The following PPM1L variants were observed in gnomAD, a reference collection of about 807,000 sequenced individuals.
The protein encoded by PPM1L is protein phosphatase 1L.
A neutral mutation model predicts 31.4 loss-of-function variants in PPM1L; 13 were observed. The ratio of observed to expected loss-of-function variants is 0.41; its 90% CI spans 0.27 to 0.66. The LOEUF is 0.66. Ranked by LOEUF, PPM1L falls within the 30% of genes least tolerant of loss-of-function variation. PPM1L has a pLI of 0.29. For synonymous variants in PPM1L, 184 were observed against 175.4 expected (o/e 1.05, Z -0.39); for missense variants, 326 against 453.7 (o/e 0.72, Z 2.56).
At chr3:160,878,062 G>A (rs183660693) in intron 1 of PPM1L, among the ~76,000 whole-genome samples, 2 of 152,242 alleles carry the variant, frequency 1.3e-5, no homozygotes, top group Admixed American at 6.5e-5. Context: ...AAACCTTATC[G>A]AGGACTTCCT....
At chr3:160,825,806 T>G (rs918794241) in intron 1 of PPM1L, among the ~76,000 whole-genome samples, 1 of 152,158 alleles carries the variant, frequency 6.6e-6, no homozygotes, top group Non-Finnish European at 1.5e-5. Flanking sequence ...TAGCTCCTTT[T>G]GGCTCTGGCT....
At chr3:160,892,111 G>A (rs62270275) in intron 1 of PPM1L, among the ~76,000 whole-genome samples, 56,840 of 151,988 alleles carry the variant, frequency 0.37, 13,521 homozygotes, top group Non-Finnish European at 0.54. Flanking sequence ...AAACCTGCGC[G>A]TTCTTCACAT....
chr3:161,060,025 T>C (rs1167188793), intron 2 of PPM1L, among the ~76,000 whole-genome samples: 3 of 152,182 alleles, frequency 2.0e-5, no homozygotes, highest in African/African-American at 7.2e-5. Context: ...TATTTCTTTA[T>C]AGCAGTGTAA....
chr3:160,980,714 A>G (rs13090717), intron 2 of PPM1L, among the ~76,000 whole-genome samples: 2 of 148,794 alleles, frequency 1.3e-5, no homozygotes, highest in Non-Finnish European at 3.0e-5. Context: ...GAGAAAAAAA[A>G]AGAGAGAGAG....
intron 1 of PPM1L, among the ~76,000 whole-genome samples, chr3:160,854,879 C>CAAA (rs33923660): frequency 1.0e-5 from 1 of 95,626 alleles, no homozygotes; most frequent in Admixed American, 1.0e-4. Context: ...CATGTGGAAC[C>CAAA]AAAAAAAAAA....
intron 2 of PPM1L, among the ~76,000 whole-genome samples, chr3:161,009,975 A>G (rs1262387779): frequency 1.3e-5 from 2 of 152,124 alleles, no homozygotes; most frequent in Admixed American, 1.3e-4. Context: ...AAATTATAAA[A>G]TATCCATGTT....
At chr3:160,872,925 T>TG (rs1284705447) in intron 1 of PPM1L, among the ~76,000 whole-genome samples, 1 of 152,014 alleles carries the variant, frequency 6.6e-6, no homozygotes, top group Non-Finnish European at 1.5e-5. Flanking sequence ...GGACTCTGTC[T>TG]GGGAAAAAAA....
At chr3:160,914,168 A>G (rs1340200233) in intron 1 of PPM1L, among the ~76,000 whole-genome samples, 3 of 151,772 alleles carry the variant, frequency 2.0e-5, no homozygotes, top group Non-Finnish European at 4.4e-5. Flanking sequence ...TTTATTTTTC[A>G]TTTCTTTGGT....
At chr3:160,857,819 A>C (rs192202261) in intron 1 of PPM1L, among the ~76,000 whole-genome samples, 14 of 152,222 alleles carry the variant, frequency 9.2e-5, no homozygotes, top group Admixed American at 7.9e-4. Flanking sequence ...TTCCCCAGCT[A>C]ATTATTTTCT....
intron 2 of PPM1L, among the ~76,000 whole-genome samples, chr3:161,052,733 A>T (rs1446879335): frequency 1.3e-5 from 2 of 152,234 alleles, no homozygotes; most frequent in Admixed American, 1.3e-4. Context: ...GGATAACCTA[A>T]TAATATCAAA....
chr3:161,065,520 A>T lies in PPM1L; in HGVS notation c.692A>T (p.His231Leu). 6.2e-7 allele frequency: 1 copy of T among 1,614,072 alleles called. No individual in the cohort carries two copies. Among genetic ancestry groups the T allele is most frequent in the Non-Finnish European group, 8.5e-7 (1 of 1,179,958 alleles). Residue 231 changes from histidine to leucine, a missense_variant, in exon 3 of 4, where the codon CAC becomes CTC. This residue lies in a region of PPM1L where 201 missense variants were observed against 298.2 expected (regional missense o/e 0.67). Coordinates refer to ENST00000498165, the MANE Select transcript of PPM1L (RefSeq NM_139245.4). ...AACGCTATTCCTTTGTCTCATGATC[A>T]CAAGCCTTACCAGTTGAAGGAAAGA... ...DGNAIPLSHDHKPYQLKERKR... is the reference protein window; with the variant it reads ...DGNAIPLSHDLKPYQLKERKR...
At chr3:160,802,858 G>A (rs1321735006) in intron 1 of PPM1L, among the ~76,000 whole-genome samples, 2 of 152,092 alleles carry the variant, frequency 1.3e-5, no homozygotes, top group Non-Finnish European at 2.9e-5. Context: ...GAAAAAACCA[G>A]GCACAATTAA....
chr3:160,776,934 G>C (rs1272698477), intron 1 of PPM1L, among the ~76,000 whole-genome samples: 2 of 151,966 alleles, frequency 1.3e-5, no homozygotes, highest in African/African-American at 4.8e-5. Context: ...CCCTATAAAG[G>C]TTTGTCAGAT....
intron 1 of PPM1L, among the ~76,000 whole-genome samples, chr3:160,776,854 C>T (rs904337339): frequency 1.3e-5 from 2 of 151,866 alleles, no homozygotes; most frequent in African/African-American, 4.8e-5. Context: ...CTGTCTTGGC[C>T]TCCCAAAGTG....
intron 2 of PPM1L, among the ~76,000 whole-genome samples, chr3:161,000,388 A>T (rs1372863335): frequency 6.6e-6 from 1 of 152,234 alleles, no homozygotes; most frequent in Non-Finnish European, 1.5e-5. Context: ...GAGGAATGTG[A>T]TCCAGCAGAG....
intron 1 of PPM1L, among the ~76,000 whole-genome samples, chr3:160,892,389 C>T (rs1713184007): frequency 6.6e-6 from 1 of 152,092 alleles, no homozygotes; most frequent in Non-Finnish European, 1.5e-5. Flanking sequence ...CTCACTATGG[C>T]AAGGACAGAA....
intron 2 of PPM1L, among the ~76,000 whole-genome samples, chr3:160,999,011 G>A (rs567677436): frequency 1.3e-5 from 2 of 152,086 alleles, no homozygotes; most frequent in Non-Finnish European, 2.9e-5. Flanking sequence ...CTCAGTTAAG[G>A]CTACTCAGAG....
intron 2 of PPM1L, among the ~76,000 whole-genome samples, chr3:161,016,107 T>C (rs2108067777): frequency 6.6e-6 from 1 of 152,120 alleles, no homozygotes; most frequent in East Asian, 1.9e-4. Context: ...GAATTAGTTA[T>C]TTATACTATT....
chr3:160,843,313 C>T (rs185631321), intron 1 of PPM1L, among the ~76,000 whole-genome samples: 28 of 150,266 alleles, frequency 1.9e-4, no homozygotes, highest in Admixed American at 1.4e-3. Flanking sequence ...CTGTCCAACC[C>T]GCGGTCCATG....
Sources: gnomAD v4.1 joint callset for allele counts (sites outside exome capture counted in the v4.1 genomes callset) on GRCh38, gnomAD v4.1.1 for gene constraint, gnomAD v4.1.1 regional missense constraint, MANE v1.5 for transcripts, NCBI Gene and HGNC (gene_info 2026-07-23, HGNC 2026-07-21) for gene names.